Variants in UNC13C observed in about 807,000 individuals in gnomAD.
The protein encoded by UNC13C is protein unc-13 homolog C.
Under a neutral mutation model 245.4 loss-of-function variants are expected in UNC13C, and 174 were observed. The ratio of observed to expected loss-of-function variants is 0.71; its 90% CI spans 0.63 to 0.80. UNC13C has a LOEUF of 0.80. Among genes scored for constraint, UNC13C ranks in the 30% least tolerant of loss-of-function variants. The pLI, the probability that UNC13C is intolerant of heterozygous loss-of-function variation, is 0.00. For synonymous variants in UNC13C, 992 were observed against 895.1 expected (o/e 1.11, Z -1.93); for missense variants, 2,829 against 2,602.9 (o/e 1.09, Z -1.89).
At chr15:53,931,171 GTATT>G in the UNC13C span, among the ~76,000 whole-genome samples, 1 of 151,702 alleles carries the variant, frequency 6.6e-6, no homozygotes, top group African/African-American at 2.4e-5. Context: ...ATTTATTTAT[GTATT>G]TATTTATTTT....
chr15:54,250,115 C>T (rs1429384228), intron 7 of UNC13C, 110 bp from the exon 8 acceptor site: 6 of 991,974 alleles, frequency 6.0e-6, no homozygotes, highest in Middle Eastern at 2.1e-4. Context: ...TCCAGGGGCT[C>T]TCTCAAAATA....
rs10646701 is a variant in UNC13C at position 54,274,667 on chromosome 15, C to CTTTTTTTTTTTTT, written c.3818+9181_3818+9193dup. The stretch of plus-strand genomic sequence containing the variant: ...ATGGTTAAAAAGCTAATAAAGTAGA[C>CTTTTTTTTTTTTT]TTTTTTTTTTTTTTTTTTTTTTGAG... On this transcript the variant is annotated intron_variant, in intron 10 of 32. Coordinates refer to ENST00000260323, the MANE Select transcript of UNC13C (RefSeq NM_001080534.3). Among the ~76,000 whole-genome samples the CTTTTTTTTTTTTT allele has an allele frequency of 6.5e-5, 6 of 91,604 alleles. 1 individual carries two copies. Among genetic ancestry groups the CTTTTTTTTTTTTT allele is most frequent in the African/African-American group, 9.2e-5 (2 of 21,764 alleles). 60.1% of individuals were successfully genotyped at this position (91,604 alleles called of 152,430 possible). A position where few individuals can be genotyped will look rare whatever the true frequency, so the allele number is the denominator to read the frequency against.
intron 2 of UNC13C, among the ~76,000 whole-genome samples, chr15:54,060,593 T>C (rs371935950): frequency 6.7e-6 from 1 of 149,790 alleles, no homozygotes; most frequent in South Asian, 2.1e-4. Context: ...AGAAATACCA[T>C]TTGACCCAGC....
intron 4 of UNC13C, among the ~76,000 whole-genome samples, chr15:54,165,693 A>G (rs1230293518): frequency 6.6e-6 from 1 of 152,034 alleles, no homozygotes; most frequent in African/African-American, 2.4e-5. Flanking sequence ...ATTGTATGTA[A>G]TGTGTTTTCA....
chr15:54,253,190 T>C (rs12101497), intron 8 of UNC13C, among the ~76,000 whole-genome samples: 22,863 of 152,182 alleles, frequency 0.15, 1,828 homozygotes, highest in African/African-American at 0.19. Context: ...CAAATTGATT[T>C]AAGTTAGGTG....
chr15:54,455,205 C>CTCTATATATATATATATA (rs1388065398), intron 19 of UNC13C, among the ~76,000 whole-genome samples: 7 of 18,944 alleles, frequency 3.7e-4, no homozygotes, highest in Non-Finnish European at 5.5e-4. Context: ...CTCTCTCTCT[C>CTCTATATATATATATATA]TATATATATA....
At chr15:54,142,236 G>A (rs1024875586) in intron 2 of UNC13C, among the ~76,000 whole-genome samples, 2 of 152,144 alleles carry the variant, frequency 1.3e-5, no homozygotes, top group African/African-American at 4.8e-5. Flanking sequence ...TGAGTAGCTG[G>A]ACCTGGAAAA....
At chr15:54,237,008 T>C (rs2035718951) in intron 6 of UNC13C, among the ~76,000 whole-genome samples, 1 of 152,200 alleles carries the variant, frequency 6.6e-6, no homozygotes, top group Non-Finnish European at 1.5e-5. Flanking sequence ...GTTATGGTTC[T>C]ATTTTATGTG....
intron 10 of UNC13C, among the ~76,000 whole-genome samples, chr15:54,276,517 A>G (rs966310430): frequency 6.6e-6 from 1 of 152,110 alleles, no homozygotes; most frequent in African/African-American, 2.4e-5. Flanking sequence ...AGTGTTCAAC[A>G]CATCTAAAAT....
chr15:54,411,954 A>G (rs965737142), intron 18 of UNC13C, among the ~76,000 whole-genome samples: 1 of 152,052 alleles, frequency 6.6e-6, no homozygotes, highest in African/African-American at 2.4e-5. Flanking sequence ...GGCCTTATTT[A>G]ATTTCTTTTT....
intron 17 of UNC13C, among the ~76,000 whole-genome samples, chr15:54,368,777 C>T (rs926659119): frequency 5.3e-5 from 8 of 151,944 alleles, no homozygotes; most frequent in African/African-American, 1.9e-4. Context: ...CAGAATAGAC[C>T]CAACAATTAA....
intron 8 of UNC13C, among the ~76,000 whole-genome samples, chr15:54,258,845 A>C (rs1293124498): frequency 6.6e-6 from 1 of 152,244 alleles, no homozygotes; most frequent in East Asian, 1.9e-4. Flanking sequence ...AAGTTGAGAG[A>C]GATAAACTAA....
At chr15:54,106,861 A>C (rs1172472551) in intron 2 of UNC13C, among the ~76,000 whole-genome samples, 1 of 152,224 alleles carries the variant, frequency 6.6e-6, no homozygotes, top group Non-Finnish European at 1.5e-5. Context: ...GGAAGAAAAG[A>C]AGTGCTTTTC....
At chr15:53,865,258 T>C in the UNC13C span, among the ~76,000 whole-genome samples, 5 of 152,322 alleles carry the variant, frequency 3.3e-5, no homozygotes, top group East Asian at 5.8e-4. Context: ...CTTCATTCCA[T>C]TGAGTGACCG....
intron 30 of UNC13C, among the ~76,000 whole-genome samples, chr15:54,571,417 C>G (rs940128278): frequency 2.0e-5 from 3 of 152,204 alleles, no homozygotes; most frequent in Non-Finnish European, 4.4e-5. Flanking sequence ...TCAATTACCT[C>G]TCACCAGGTC....
intron 4 of UNC13C, among the ~76,000 whole-genome samples, chr15:54,206,269 G>T (rs985717319): frequency 1.7e-4 from 26 of 151,516 alleles, no homozygotes; most frequent in African/African-American, 6.3e-4. Flanking sequence ...ACCCATTATC[G>T]CCTGCTTAAC....
intron 19 of UNC13C, among the ~76,000 whole-genome samples, chr15:54,467,277 A>G (rs1282013370): frequency 6.6e-6 from 1 of 151,818 alleles, no homozygotes; most frequent in Non-Finnish European, 1.5e-5. Flanking sequence ...TTATTTGATG[A>G]AACTAATTAT....
chr15:54,178,358 G>C (rs776848948), intron 4 of UNC13C, among the ~76,000 whole-genome samples: 1 of 151,996 alleles, frequency 6.6e-6, no homozygotes, highest in East Asian at 1.9e-4. Context: ...GTAATTCTTG[G>C]TTTTCTTATG....
At chr15:54,108,756 G>A (rs1401682650) in intron 2 of UNC13C, among the ~76,000 whole-genome samples, 1 of 152,072 alleles carries the variant, frequency 6.6e-6, no homozygotes, top group African/African-American at 2.4e-5. Flanking sequence ...TGGAAAATAG[G>A]GGAGATAAAA....
Sources: allele counts gnomAD v4.1 joint callset (sites outside exome capture counted in the v4.1 genomes callset), GRCh38; gene constraint gnomAD v4.1.1; transcripts MANE v1.5; gene names NCBI Gene and HGNC (gene_info 2026-07-23, HGNC 2026-07-21).